Variants in ZNF652 observed in about 807,000 individuals in gnomAD.
ZNF652 encodes zinc finger protein 652.
Under a neutral mutation model 45.2 loss-of-function variants are expected in ZNF652, and 16 were observed. The observed-to-expected ratio is 0.35, with a 90% CI of 0.24 to 0.54. The LOEUF (loss-of-function observed/expected upper bound fraction) is 0.54. Among genes scored for constraint, ZNF652 ranks in the 20% least tolerant of loss-of-function variants. The probability of loss-of-function intolerance (pLI) is 0.91; values close to 1 mark genes in which losing one functional copy is unlikely to be tolerated. For missense variants in ZNF652, 614 were observed against 765.6 expected (o/e 0.80, Z 2.34); for synonymous variants, 250 against 260.6 (o/e 0.96, Z 0.39).
intron 2 of ZNF652, among the ~76,000 whole-genome samples, chr17:49,313,813 A>T (rs1201104803): frequency 6.6e-6 from 1 of 151,382 alleles, no homozygotes; most frequent in Non-Finnish European, 1.5e-5. Flanking sequence ...TCTCTACTAA[A>T]AATAAAAAAA....
At chr17:49,331,843 C>A (rs1229087663) in intron 1 of ZNF652, among the ~76,000 whole-genome samples, 1 of 152,170 alleles carries the variant, frequency 6.6e-6, no homozygotes. Context: ...GTAGTGCATG[C>A]CTGTAGTCCC....
chr17:49,317,956 A>C lies in ZNF652; in HGVS notation c.-231T>G. ...CACTAGTGATTTTTCTTCTGAAGAG[A>C]GCTGCAAGGGACTTGGGAGCATCTT... On this transcript the variant is annotated 5_prime_UTR_variant, in exon 2 of 6. Coordinates refer to ENST00000430262, the MANE Select transcript of ZNF652 (RefSeq NM_001145365.3). The C allele has an allele frequency of 2.3e-6, 1 of 426,400 alleles. No individual in the cohort carries two copies. The highest frequency in any genetic ancestry group is 4.1e-6 in the Non-Finnish European group (1 of 245,036). The allele number at this position is 426,400 out of a possible 1,614,324, so 26.4% of individuals were successfully genotyped here.
In ZNF652 at chr17:49,293,157, A is replaced by C. The variant is rs918410908; in HGVS notation, c.*5256T>G. 5.3e-5 allele frequency among the ~76,000 whole-genome samples: 8 copies of C among 152,236 alleles called. No individual in the cohort carries two copies. Among genetic ancestry groups the C allele is most frequent in the South Asian group, 4.1e-4 (2 of 4,834 alleles). On this transcript the variant is annotated 3_prime_UTR_variant, in exon 6 of 6. Coordinates refer to ENST00000430262, the MANE Select transcript of ZNF652 (RefSeq NM_001145365.3). ...ATACATAGAGTAACAAAGCAGAAAG[A>C]AAGCCACCTTGTAAGTAGTTTCTTA...
intron 1 of ZNF652, among the ~76,000 whole-genome samples, chr17:49,321,929 G>T (rs985233048): frequency 1.3e-5 from 2 of 152,178 alleles, no homozygotes; most frequent in African/African-American, 4.8e-5. Context: ...TGAAAAGGAT[G>T]AATTCAGAAA....
Position 49,293,114 on chromosome 17 carries a change from T to C in ZNF652, c.*5299A>G, listed in dbSNP as rs1470788073. The stretch of plus-strand genomic sequence containing the variant: ...AAACAACTCCAGGAACCTGTGACCA[T>C]ACATATATTATTGAGTAATACATAG... On this transcript the variant is annotated 3_prime_UTR_variant, in exon 6 of 6. Transcript: ENST00000430262. 2.0e-5 allele frequency among the ~76,000 whole-genome samples: 3 copies of C among 152,322 alleles called. No homozygotes were observed. The East Asian group carries it at 5.8e-4, about 29-fold the overall frequency.
chr17:49,303,310 G>A (rs1190439370), intron 5 of ZNF652, among the ~76,000 whole-genome samples: 1 of 141,856 alleles, frequency 7.0e-6, no homozygotes, highest in Non-Finnish European at 1.5e-5. Flanking sequence ...GTGTGATCTC[G>A]GCTCACTGCA....
At chr17:49,331,283 G>A (rs9747090) in intron 1 of ZNF652, among the ~76,000 whole-genome samples, 34,866 of 151,428 alleles carry the variant, frequency 0.23, 4,133 homozygotes, top group South Asian at 0.32. Flanking sequence ...TACCACGCCC[G>A]GCTAATTTTT....
chr17:49,348,393 A>G (rs1456343243), intron 1 of ZNF652, among the ~76,000 whole-genome samples: 2 of 151,574 alleles, frequency 1.3e-5, no homozygotes, highest in Non-Finnish European at 2.9e-5. Context: ...GGCTGAAGCA[A>G]GAGGATCACT....
At chr17:49,349,628 C>T (rs1763143702) in intron 1 of ZNF652, among the ~76,000 whole-genome samples, 1 of 152,166 alleles carries the variant, frequency 6.6e-6, no homozygotes. Flanking sequence ...AGAGAAGACT[C>T]TTGACTACTA....
At chr17:49,355,693 T>C (rs2070328796) in intron 1 of ZNF652, among the ~76,000 whole-genome samples, 1 of 150,400 alleles carries the variant, frequency 6.6e-6, no homozygotes, top group South Asian at 2.1e-4. Flanking sequence ...AGGTCAGGAG[T>C]TCAAGACCAG....
chr17:49,357,687 C>A (rs1157595960), intron 1 of ZNF652, among the ~76,000 whole-genome samples: 2 of 152,184 alleles, frequency 1.3e-5, no homozygotes, highest in Non-Finnish European at 1.5e-5. Context: ...AGGCTTTGCA[C>A]GTGATTCAAC....
At chr17:49,352,861 C>G (rs2411980) in intron 1 of ZNF652, among the ~76,000 whole-genome samples, 118,984 of 152,130 alleles carry the variant, frequency 0.78, 46,763 homozygotes, top group African/African-American at 0.85. Context: ...ATTACTATGA[C>G]TAAAAGAAGC....
chr17:49,356,562 C>T (rs541075696), intron 1 of ZNF652, among the ~76,000 whole-genome samples: 18 of 151,590 alleles, frequency 1.2e-4, no homozygotes, highest in East Asian at 3.9e-4. Flanking sequence ...TAGTCATTCT[C>T]GGCTCACATA....
At chr17:49,350,967 C>CTACATA (rs1369032678) in intron 1 of ZNF652, among the ~76,000 whole-genome samples, 1,505 of 52,364 alleles carry the variant, frequency 0.029, 38 homozygotes, top group Non-Finnish European at 0.031. Context: ...AAGACTCTGT[C>CTACATA]TACATATATA....
In ZNF652 at chr17:49,298,604, G is replaced by T; in HGVS notation, c.1630C>A (p.Pro544Thr). The T allele has an allele frequency of 5.6e-6, 9 of 1,612,818 alleles. No homozygotes were observed. The highest frequency in any genetic ancestry group is 7.6e-6 in the Non-Finnish European group (9 of 1,179,348). The change falls in exon 6 of 6, where the codon CCC (proline) becomes ACC (threonine). Residue 544 changes from proline (P) to threonine (T), a missense_variant. Physicochemically the swap from Pro to Thr is conservative, Grantham distance 38. Transcript: ENST00000430262. Reference sequence around the variant, plus strand: ...ATGTGCAGGTGTGAGAAGGGGTGGGGGATGGGCCGAGGGGGAAGAGTGCTT... The same window carrying T: ...ATGTGCAGGTGTGAGAAGGGGTGGGTGATGGGCCGAGGGGGAAGAGTGCTT... Reference protein sequence around the residue: ...PVSTLPPRPIPHPFSHLHIHP... With the variant: ...PVSTLPPRPITHPFSHLHIHP...
chr17:49,356,514 C>T (rs191114156), intron 1 of ZNF652, among the ~76,000 whole-genome samples: 5 of 143,624 alleles, frequency 3.5e-5, no homozygotes, highest in South Asian at 4.4e-4. Context: ...CTTAGCAAAA[C>T]GTATGACAGT....
chr17:49,361,372 T>G, intron 1 of ZNF652, among the ~76,000 whole-genome samples: 1 of 150,512 alleles, frequency 6.6e-6, no homozygotes, highest in African/African-American at 2.5e-5. Flanking sequence ...GAGGTGGGGG[T>G]GGAGAAAGGT....
At position 49,317,779 on chromosome 17, in the gene ZNF652, A is replaced by G; in HGVS notation, c.-54T>C. On this transcript the variant is annotated 5_prime_UTR_variant, in exon 2 of 6. Transcript: ENST00000430262. ...TCAGACTATAAAGAAATAGCTTTAAAACAAGGTAATTATTAAGACTCAAAT... is the reference window on the plus strand; with the variant it reads ...TCAGACTATAAAGAAATAGCTTTAAGACAAGGTAATTATTAAGACTCAAAT... 6.8e-7 allele frequency: 1 copy of G among 1,472,782 alleles called. No homozygotes were observed. The highest frequency in any genetic ancestry group is 9.0e-7 in the Non-Finnish European group (1 of 1,106,856). The allele number at this position is 1,472,782 out of a possible 1,614,324, so 91.2% of individuals were successfully genotyped here.
At chr17:49,303,043 A>T (rs1598283345) in intron 5 of ZNF652, among the ~76,000 whole-genome samples, 1 of 151,912 alleles carries the variant, frequency 6.6e-6, no homozygotes, top group Non-Finnish European at 1.5e-5. Flanking sequence ...GAAATACAAC[A>T]GGCCAGCCAC....
Sources: allele counts gnomAD v4.1 joint callset (sites outside exome capture counted in the v4.1 genomes callset), GRCh38; gene constraint gnomAD v4.1.1; transcripts MANE v1.5; gene names NCBI Gene and HGNC (gene_info 2026-07-23, HGNC 2026-07-21).